TENM3: variants seen among roughly 807,000 people sequenced by gnomAD.
TENM3 encodes teneurin transmembrane protein 3.
In TENM3, 63 loss-of-function variants were observed where a neutral mutation model predicts 255.1. The observed-to-expected ratio is 0.25, with a 90% CI of 0.20 to 0.30. TENM3 has a LOEUF of 0.30. Among genes scored for constraint, TENM3 ranks in the 10% least tolerant of loss-of-function variants. The pLI is 1.00. For missense variants in TENM3, 2,929 were observed against 3,461.1 expected, an observed-to-expected ratio of 0.85 and a Z score of 3.86; for synonymous variants, 1,306 against 1,322.3, an observed-to-expected ratio of 0.99 and a Z score of 0.27.
At chr4:182,766,457 G>C (rs1763728499) in intron 22 of TENM3, among the ~76,000 whole-genome samples, 1 of 152,108 alleles carries the variant, frequency 6.6e-6, no homozygotes, top group South Asian at 2.1e-4. Context: ...GAATCCCTAA[G>C]GGAACTAATT....
At chr4:182,316,645 G>A (rs1336315380) in intron 1 of TENM3, among the ~76,000 whole-genome samples, 1 of 152,152 alleles carries the variant, frequency 6.6e-6, no homozygotes, top group Non-Finnish European at 1.5e-5. Flanking sequence ...CTGAGGTTGA[G>A]ATACCCTGAT....
chr4:182,257,403 C>T (rs543488138), intron 1 of TENM3, among the ~76,000 whole-genome samples: 125 of 152,272 alleles, frequency 8.2e-4, no homozygotes, highest in Non-Finnish European at 1.4e-3. Context: ...GACTGTCCTC[C>T]AAACCTTAGA....
At chr4:182,015,799 T>C in the TENM3 span, among the ~76,000 whole-genome samples, 1 of 151,842 alleles carries the variant, frequency 6.6e-6, no homozygotes, top group Non-Finnish European at 1.5e-5. Flanking sequence ...GACCTCGTGA[T>C]CCACCTGTCT....
At chr4:181,506,656 C>T in the TENM3 span, among the ~76,000 whole-genome samples, 1 of 151,878 alleles carries the variant, frequency 6.6e-6, no homozygotes, top group South Asian at 2.1e-4. Context: ...ATGCATGTCA[C>T]AGAGTAAAAA....
chr4:182,282,615 G>A (rs1343608624), intron 1 of TENM3, among the ~76,000 whole-genome samples: 1 of 152,100 alleles, frequency 6.6e-6, no homozygotes. Context: ...TAAATGGGCC[G>A]GGCACAGTGG....
the TENM3 span, among the ~76,000 whole-genome samples, chr4:182,022,410 A>G: frequency 6.6e-6 from 1 of 152,104 alleles, no homozygotes; most frequent in African/African-American, 2.4e-5. Context: ...GAAGTGGGGA[A>G]AGAGCTGAAG....
chr4:182,358,181 G>T (rs1338176576), intron 3 of TENM3, among the ~76,000 whole-genome samples: 1 of 150,668 alleles, frequency 6.6e-6, no homozygotes, highest in Admixed American at 6.7e-5. Flanking sequence ...TTTTGGCTTA[G>T]GATTGACTTG....
the TENM3 span, among the ~76,000 whole-genome samples, chr4:181,681,197 A>T: frequency 2.0e-5 from 3 of 152,092 alleles, no homozygotes; most frequent in Non-Finnish European, 4.4e-5. Context: ...AGTGCATTTG[A>T]AAAAGACTTT....
the TENM3 span, among the ~76,000 whole-genome samples, chr4:181,625,927 C>T: frequency 1.4e-4 from 21 of 152,260 alleles, no homozygotes; most frequent in Admixed American, 3.9e-4. Context: ...TGGCCAATGT[C>T]ACCCATTTCA....
the TENM3 span, among the ~76,000 whole-genome samples, chr4:182,106,664 G>A: frequency 6.6e-6 from 1 of 152,160 alleles, no homozygotes. Context: ...CGGTTTTTTA[G>A]AGTCTTTGGG....
the TENM3 span, among the ~76,000 whole-genome samples, chr4:182,067,846 C>CT: frequency 1.6e-4 from 25 of 152,136 alleles, no homozygotes; most frequent in African/African-American, 6.0e-4. Flanking sequence ...TTACCATTAA[C>CT]TGGCAGTCTG....
chr4:181,469,452 T>A, the TENM3 span, among the ~76,000 whole-genome samples: 3 of 152,326 alleles, frequency 2.0e-5, no homozygotes, highest in East Asian at 5.8e-4. Flanking sequence ...GAAGCTTGTT[T>A]ATAAATAATC....
the TENM3 span, among the ~76,000 whole-genome samples, chr4:181,634,256 T>A: frequency 6.6e-6 from 1 of 152,342 alleles, no homozygotes; most frequent in Middle Eastern, 3.4e-3. Context: ...CCTTGAAAGT[T>A]CGCCCTGTGT....
At chr4:181,583,528 C>T in the TENM3 span, among the ~76,000 whole-genome samples, 2 of 152,248 alleles carry the variant, frequency 1.3e-5, no homozygotes, top group African/African-American at 4.8e-5. Context: ...TTTAAACCGC[C>T]CTTGAAAATA....
chr4:181,590,411 C>T, the TENM3 span, among the ~76,000 whole-genome samples: 2 of 152,204 alleles, frequency 1.3e-5, no homozygotes, highest in Non-Finnish European at 2.9e-5. Context: ...TACCCAGTCA[C>T]AGATGGTCAT....
chr4:181,762,145 TTGAAATTGCCTCC>T, the TENM3 span, among the ~76,000 whole-genome samples: 1 of 152,096 alleles, frequency 6.6e-6, no homozygotes, highest in East Asian at 1.9e-4. Context: ...AACAGACAGG[TTGAAATTGCCTCC>T]TGGGTCATTC....
At chr4:181,894,770 G>C in the TENM3 span, among the ~76,000 whole-genome samples, 1 of 151,852 alleles carries the variant, frequency 6.6e-6, no homozygotes, top group African/African-American at 2.4e-5. Context: ...ACTTTCTCCA[G>C]CTTACGATAG....
chr4:181,923,388 A>C, the TENM3 span, among the ~76,000 whole-genome samples: 1 of 152,170 alleles, frequency 6.6e-6, no homozygotes, highest in Admixed American at 6.6e-5. Context: ...GAGTTTGGAC[A>C]TCATAAAGTC....
intron 2 of TENM3, among the ~76,000 whole-genome samples, chr4:182,324,856 G>A (rs1763291627): frequency 6.6e-6 from 1 of 152,118 alleles, no homozygotes; most frequent in African/African-American, 2.4e-5. Flanking sequence ...ATCCACTAGG[G>A]CTTGGTCATT....
Sources: gnomAD v4.1 joint callset for allele counts (sites outside exome capture counted in the v4.1 genomes callset) on GRCh38, gnomAD v4.1.1 for gene constraint, MANE v1.5 for transcripts, NCBI Gene and HGNC (gene_info 2026-07-23, HGNC 2026-07-21) for gene names.